Variants in PRKN observed in about 807,000 individuals in gnomAD.
PRKN encodes E3 ubiquitin-protein ligase parkin.
A neutral mutation model predicts 59.5 loss-of-function variants in PRKN; 56 were observed. The ratio of observed to expected loss-of-function variants is 0.94; its 90% CI spans 0.76 to 1.18. The LOEUF (loss-of-function observed/expected upper bound fraction) is 1.18, where lower values mean the gene tolerates loss of function less well. Ranked by LOEUF, PRKN falls within the 50% of genes most tolerant of loss-of-function variation. The probability of loss-of-function intolerance (pLI) is 0.00; values close to 1 mark genes in which losing one functional copy is unlikely to be tolerated. For missense variants in PRKN, 657 were observed against 596.4 expected, an observed-to-expected ratio of 1.10 and a Z score of -1.06; for synonymous variants, 250 against 222.1, an observed-to-expected ratio of 1.13 and a Z score of -1.12.
At chr6:161,949,974 A>T (rs754803002) in intron 6 of PRKN, among the ~76,000 whole-genome samples, 11 of 152,212 alleles carry the variant, frequency 7.2e-5, no homozygotes, top group Admixed American at 2.6e-4. Flanking sequence ...GCAAAGTAAA[A>T]GGAAGGTGGG....
chr6:162,221,353 G>A (rs748910958), intron 3 of PRKN, among the ~76,000 whole-genome samples: 20 of 152,172 alleles, frequency 1.3e-4, no homozygotes, highest in Non-Finnish European at 2.6e-4. Context: ...ATGTGTCATT[G>A]CTGTGACAGT....
intron 10 of PRKN, among the ~76,000 whole-genome samples, chr6:161,368,277 A>ATTTG (rs1562399163): frequency 1.1e-4 from 15 of 141,888 alleles, no homozygotes; most frequent in African/African-American, 3.2e-4. Flanking sequence ...ATTTATATAT[A>ATTTG]TGTATATATT....
intron 10 of PRKN, among the ~76,000 whole-genome samples, chr6:161,383,292 TG>T (rs1253924276): frequency 6.6e-6 from 1 of 152,198 alleles, no homozygotes; most frequent in East Asian, 1.9e-4. Flanking sequence ...AGAAATAGCT[TG>T]TTTGGTTCGT....
intron 6 of PRKN, among the ~76,000 whole-genome samples, chr6:161,844,376 G>T (rs1447249497): frequency 6.6e-6 from 1 of 152,224 alleles, no homozygotes; most frequent in Non-Finnish European, 1.5e-5. Flanking sequence ...TGATTATCCG[G>T]TTTGTTAAAC....
chr6:162,596,655 T>C (rs1021035704), intron 1 of PRKN, among the ~76,000 whole-genome samples: 4 of 152,202 alleles, frequency 2.6e-5, no homozygotes, highest in Non-Finnish European at 5.9e-5. Context: ...ACATTTTATA[T>C]TAATGGTGGA....
rs1370526169 is a variant in PRKN, at chr6:162,488,758, A to G, written c.8-45285T>C. 2.0e-5 allele frequency among the ~76,000 whole-genome samples: 3 copies of G among 152,204 alleles called. No homozygotes were observed. In the East Asian group the frequency reaches 5.8e-4, roughly 29 times the overall value. On this transcript the variant is annotated intron_variant, in intron 1 of 11. Transcript: ENST00000366898. ...AAAAGGCCCCGACGCATAGCAAGGG[A>G]CAAATAGTGCTGGTGATTGACACTA...
intron 4 of PRKN, among the ~76,000 whole-genome samples, chr6:162,142,914 A>G (rs1251021319): frequency 1.3e-5 from 2 of 152,252 alleles, no homozygotes; most frequent in Non-Finnish European, 2.9e-5. Flanking sequence ...ATAAAAAATT[A>G]CTTATAAACC....
At chr6:162,104,519 A>G (rs117810918) in intron 4 of PRKN, among the ~76,000 whole-genome samples, 1 of 152,326 alleles carries the variant, frequency 6.6e-6, no homozygotes, top group Non-Finnish European at 1.5e-5. Flanking sequence ...GTTTAATGGA[A>G]GGTACATGAA....
At position 161,554,403 on chromosome 6, in the gene PRKN, T is replaced by TACACACAC. The variant is rs57551959; in HGVS notation, c.934-5408_934-5401dup. 0.046 allele frequency among the ~76,000 whole-genome samples: 6,744 copies of TACACACAC among 147,004 alleles called. 213 individuals are homozygous for TACACACAC. Among genetic ancestry groups the TACACACAC allele is most frequent in the African/African-American group, 0.093 (3,693 of 39,884 alleles). On this transcript the variant is annotated intron_variant, in intron 8 of 11. Coordinates refer to ENST00000366898, the MANE Select transcript of PRKN (RefSeq NM_004562.3). The surrounding 1 kb of genome is among the most constrained non-coding windows in gnomAD (Gnocchi z 4.5). ...TAACCTTCATGTTATCTTACTTCTATACACACACACACACACACACACACA... is the reference window on the plus strand; with the variant it reads ...TAACCTTCATGTTATCTTACTTCTATACACACACACACACACACACACACACACACACA...
chr6:162,295,345 A>T (rs1409360912), intron 2 of PRKN, among the ~76,000 whole-genome samples: 1 of 152,102 alleles, frequency 6.6e-6, no homozygotes, highest in Non-Finnish European at 1.5e-5. Flanking sequence ...AGAATTTTAA[A>T]CTTTTTACTC....
chr6:162,490,087 C>T (rs1252346773), intron 1 of PRKN, among the ~76,000 whole-genome samples: 1 of 152,114 alleles, frequency 6.6e-6, no homozygotes, highest in Non-Finnish European at 1.5e-5. Flanking sequence ...TCTCATGGCT[C>T]CCTGCAGAGT....
At chr6:162,394,081 A>G (rs1010789964) in intron 2 of PRKN, among the ~76,000 whole-genome samples, 2 of 152,194 alleles carry the variant, frequency 1.3e-5, no homozygotes, top group Admixed American at 1.3e-4. Flanking sequence ...CTTATAATCT[A>G]GCTTGTATTT....
chr6:162,281,859 A>G (rs1037444229), intron 2 of PRKN, among the ~76,000 whole-genome samples: 4 of 152,164 alleles, frequency 2.6e-5, no homozygotes, highest in African/African-American at 9.7e-5. Flanking sequence ...GTGGAAGACA[A>G]TATTTCCACA....
At chr6:161,684,455 T>G (rs1785482053) in intron 7 of PRKN, among the ~76,000 whole-genome samples, 1 of 152,136 alleles carries the variant, frequency 6.6e-6, no homozygotes, top group Non-Finnish European at 1.5e-5. Context: ...CTATTCAGCC[T>G]TTCTCCCCAA....
At chr6:162,317,687 C>T (rs183381005) in intron 2 of PRKN, among the ~76,000 whole-genome samples, 1 of 151,876 alleles carries the variant, frequency 6.6e-6, no homozygotes. Context: ...AGGATAGTGT[C>T]CTATTTCAAC....
chr6:162,350,224 T>C (rs774161351), intron 2 of PRKN, among the ~76,000 whole-genome samples: 3 of 152,230 alleles, frequency 2.0e-5, no homozygotes, highest in South Asian at 2.1e-4. Flanking sequence ...AAATGAAGTA[T>C]GTTATGTTAC....
chr6:161,685,408 C>T (rs1012075935), intron 7 of PRKN, among the ~76,000 whole-genome samples: 1 of 152,180 alleles, frequency 6.6e-6, no homozygotes, highest in African/African-American at 2.4e-5. Flanking sequence ...TTTTCAACCC[C>T]AGCTTGAAAA....
intron 7 of PRKN, among the ~76,000 whole-genome samples, chr6:161,643,640 T>C (rs1783820870): frequency 6.6e-6 from 1 of 152,186 alleles, no homozygotes; most frequent in Non-Finnish European, 1.5e-5. Flanking sequence ...TATCTCTCAA[T>C]AGCTAAGATG....
intron 2 of PRKN, among the ~76,000 whole-genome samples, chr6:162,309,702 GA>G (rs1184518973): frequency 1.3e-5 from 2 of 152,146 alleles, no homozygotes; most frequent in East Asian, 1.9e-4. Flanking sequence ...TGTTAGATTA[GA>G]TTTTTTTTAA....
Sources: gnomAD v4.1 joint callset for allele counts (sites outside exome capture counted in the v4.1 genomes callset) on GRCh38, gnomAD v4.1.1 for gene constraint, Gnocchi (gnomAD v3.1) non-coding constraint, MANE v1.5 for transcripts, NCBI Gene and HGNC (gene_info 2026-07-23, HGNC 2026-07-21) for gene names.